The following ETV1 variants were observed in gnomAD, a reference collection of about 807,000 sequenced individuals.
ETV1 encodes ETS translocation variant 1.
Under a neutral mutation model 62.3 loss-of-function variants are expected in ETV1, and 27 were observed. The ratio of observed to expected loss-of-function variants is 0.43; its 90% CI spans 0.32 to 0.60. The LOEUF is 0.60. ETV1 is among the 20% of genes least tolerant of loss of function. ETV1 has a pLI of 0.06. For synonymous variants in ETV1, 222 were observed against 199.6 expected (o/e 1.11, Z -0.94); for missense variants, 605 against 605.8 (o/e 1.00, Z 0.01).
chr7:13,973,947 A>G (rs1288521298), intron 6 of ETV1, among the ~76,000 whole-genome samples: 1 of 152,208 alleles, frequency 6.6e-6, no homozygotes, highest in Non-Finnish European at 1.5e-5. Flanking sequence ...GAAGGTGATC[A>G]TGAATGCAAT....
intron 9 of ETV1, among the ~76,000 whole-genome samples, chr7:13,916,787 C>T (rs996217210): frequency 2.6e-5 from 4 of 151,996 alleles, no homozygotes; most frequent in African/African-American, 9.7e-5. Flanking sequence ...GAAAAGTTAG[C>T]TGGATGTGGT....
In ETV1 at chr7:13,908,485, G is replaced by A. The variant is rs759163137; in HGVS notation, c.940+1147C>T. On this transcript the variant is annotated intron_variant, in intron 11 of 13. Coordinates refer to ENST00000430479, the MANE Select transcript of ETV1 (RefSeq NM_004956.5). ...GAAAATGCTATATTTTAAGAATGCTGATGCTCTGCTAATGTTGCTAAATAG... is the reference window on the plus strand; with the variant it reads ...GAAAATGCTATATTTTAAGAATGCTAATGCTCTGCTAATGTTGCTAAATAG... 3.8e-4 allele frequency among the ~76,000 whole-genome samples: 58 copies of A among 152,246 alleles called. No individual in the cohort carries two copies. The Middle Eastern group carries it at 0.02, about 54-fold the overall frequency.
At chr7:13,942,851 A>G (rs1355256364) in intron 6 of ETV1, among the ~76,000 whole-genome samples, 1 of 152,214 alleles carries the variant, frequency 6.6e-6, no homozygotes, top group Admixed American at 6.5e-5. Context: ...ATATTTATCA[A>G]AATGTCAGCC....
chr7:13,936,884 T>A (rs1332597232), intron 7 of ETV1, among the ~76,000 whole-genome samples: 1 of 151,874 alleles, frequency 6.6e-6, no homozygotes. Flanking sequence ...CTACTAAAAA[T>A]ACAAAAAATT....
At chr7:13,963,492 G>A (rs1274767199) in intron 6 of ETV1, among the ~76,000 whole-genome samples, 3 of 147,650 alleles carry the variant, frequency 2.0e-5, no homozygotes, top group Non-Finnish European at 4.5e-5. Flanking sequence ...TTGAAATTTT[G>A]CATTAAGGTT....
At position 13,895,852 on chromosome 7, in the gene ETV1, G is replaced by A; in HGVS notation, c.*14C>T. The A allele has an allele frequency of 3.1e-6, 5 of 1,599,194 alleles. No individual in the cohort carries two copies. Among genetic ancestry groups the A allele is most frequent in the Non-Finnish European group, 2.6e-6 (3 of 1,168,408 alleles). Reference sequence around the variant, plus strand: ...GGAAAAGCGCAAAAACGCCCTGCTTGACTGTCACTTGTGTTAATACACGTA... The same window carrying A: ...GGAAAAGCGCAAAAACGCCCTGCTTAACTGTCACTTGTGTTAATACACGTA... On this transcript the variant is annotated 3_prime_UTR_variant, in exon 14 of 14. Transcript: ENST00000430479.
At chr7:13,941,206 G>A (rs1264928739) in intron 6 of ETV1, among the ~76,000 whole-genome samples, 1 of 152,164 alleles carries the variant, frequency 6.6e-6, no homozygotes, top group Non-Finnish European at 1.5e-5. Context: ...CTTGAATTCT[G>A]ATTTGAACAA....
At chr7:13,960,357 A>G (rs1790022623) in intron 6 of ETV1, among the ~76,000 whole-genome samples, 1 of 152,144 alleles carries the variant, frequency 6.6e-6, no homozygotes, top group Non-Finnish European at 1.5e-5. Flanking sequence ...TACATAAATT[A>G]AGTAGATATT....
intron 9 of ETV1, among the ~76,000 whole-genome samples, chr7:13,918,575 T>G (rs1324421436): frequency 6.6e-6 from 1 of 151,978 alleles, no homozygotes; most frequent in Admixed American, 6.6e-5. Context: ...TTCATGTCCT[T>G]TGTAGGGACA....
intron 4 of ETV1, 155 bp from the exon 5 acceptor site, chr7:13,986,840 C>G: frequency 1.6e-6 from 1 of 609,514 alleles, no homozygotes. Context: ...ACTTAAATAT[C>G]TCAATAATAC....
At chr7:13,988,595 G>GAAAAAAAAAAAAAAAAAGAAAAAAAA (rs34468165) in intron 3 of ETV1, 1 of 769,000 alleles carries the variant, frequency 1.3e-6, no homozygotes, top group Admixed American at 8.7e-5. Flanking sequence ...GTAGAGAAAT[G>GAAAAAAAAAAAAAAAAAGAAAAAAAA]AAAAAAAAAA....
chr7:13,939,832 A>G (rs1315994430), intron 6 of ETV1, among the ~76,000 whole-genome samples: 1 of 152,232 alleles, frequency 6.6e-6, no homozygotes, highest in African/African-American at 2.4e-5. Flanking sequence ...CTATCTAATT[A>G]CCAGAACTGT....
At chr7:13,896,223 T>G in intron 13 of ETV1, 136 bp from the exon 14 acceptor site, 1 of 589,004 alleles carries the variant, frequency 1.7e-6, no homozygotes, top group Non-Finnish European at 3.0e-6. Flanking sequence ...AAACAACTAA[T>G]AGCAGATACA....
chr7:13,963,692 A>G (rs1790452043), intron 6 of ETV1, among the ~76,000 whole-genome samples: 1 of 152,308 alleles, frequency 6.6e-6, no homozygotes, highest in Admixed American at 6.5e-5. Flanking sequence ...GCCTGCTTAT[A>G]TGTACATTAC....
chr7:13,912,347 C>G (rs1783646008), intron 9 of ETV1, among the ~76,000 whole-genome samples: 1 of 151,990 alleles, frequency 6.6e-6, no homozygotes, highest in South Asian at 2.1e-4. Flanking sequence ...TTAGCATAAC[C>G]CTGGAAAACT....
intron 3 of ETV1, chr7:13,988,619 A>T: frequency 1.6e-6 from 2 of 1,279,300 alleles, no homozygotes; most frequent in Non-Finnish European, 2.0e-6. Context: ...AGAGAAAATG[A>T]GAAAAAAAAA....
At chr7:13,944,346 C>T (rs146094343) in intron 6 of ETV1, among the ~76,000 whole-genome samples, 1 of 152,296 alleles carries the variant, frequency 6.6e-6, no homozygotes, top group East Asian at 1.9e-4. Context: ...TTGGTAAAAG[C>T]TCACTTCCTG....
chr7:13,941,777 C>T (rs1787532388), intron 6 of ETV1, among the ~76,000 whole-genome samples: 1 of 151,716 alleles, frequency 6.6e-6, no homozygotes, highest in Non-Finnish European at 1.5e-5. Context: ...GGCTGGGGCA[C>T]GAGAATCACT....
chr7:13,970,402 A>AT (rs1780781736), intron 6 of ETV1, among the ~76,000 whole-genome samples: 1 of 152,178 alleles, frequency 6.6e-6, no homozygotes, highest in African/African-American at 2.4e-5. Flanking sequence ...ACTCTCAGGA[A>AT]TACTAACTTG....
Sources: gnomAD v4.1 joint callset for allele counts (sites outside exome capture counted in the v4.1 genomes callset) on GRCh38, gnomAD v4.1.1 for gene constraint, MANE v1.5 for transcripts, NCBI Gene and HGNC (gene_info 2026-07-23, HGNC 2026-07-21) for gene names.